The following ARHGEF26 variants were observed in gnomAD, a reference collection of about 807,000 sequenced individuals.
ARHGEF26 encodes Rho guanine nucleotide exchange factor 26.
Under a neutral mutation model 89.4 loss-of-function variants are expected in ARHGEF26, and 59 were observed. The observed-to-expected ratio is 0.66, with a 90% CI of 0.54 to 0.82. The LOEUF is 0.82. Ranked by LOEUF, ARHGEF26 falls within the 40% of genes least tolerant of loss-of-function variation. The pLI is 0.00. For missense variants in ARHGEF26, 1,234 were observed against 1,085.6 expected, an observed-to-expected ratio of 1.14 and a Z score of -1.92; for synonymous variants, 500 against 428.4, an observed-to-expected ratio of 1.17 and a Z score of -2.06.
At chr3:154,149,499 C>G in intron 5 of ARHGEF26, 54 bp downstream of exon 5, 1 of 1,488,678 alleles carries the variant, frequency 6.7e-7, no homozygotes, top group Middle Eastern at 1.7e-4. Flanking sequence ...ATGTCGGTGT[C>G]TGCTTTTTTG....
intron 9 of ARHGEF26, among the ~76,000 whole-genome samples, chr3:154,209,195 C>G (rs1210351963): frequency 6.6e-6 from 1 of 152,140 alleles, no homozygotes; most frequent in Non-Finnish European, 1.5e-5. Flanking sequence ...TGAGTTTCCT[C>G]AACACAGCTA....
At chr3:154,177,920 T>G (rs1303278357) in intron 6 of ARHGEF26, among the ~76,000 whole-genome samples, 1 of 152,132 alleles carries the variant, frequency 6.6e-6, no homozygotes, top group Admixed American at 6.5e-5. Context: ...AGGGCTTTAT[T>G]GGCCAGGTAC....
Position 154,203,603 on chromosome 3 carries a change from A to C in ARHGEF26, c.1845+8885A>C, listed in dbSNP as rs563632191. 3.3e-5 allele frequency among the ~76,000 whole-genome samples: 5 copies of C among 152,232 alleles called. No individual in the cohort carries two copies. In the South Asian group the frequency reaches 1.0e-3, roughly 32 times the overall value. On this transcript the variant is annotated intron_variant, in intron 9 of 14. Coordinates refer to ENST00000465093, the MANE Select transcript of ARHGEF26 (RefSeq NM_015595.4). Reference sequence around the variant, plus strand: ...GTTTTCAGTTTTCTCCATTCAGTTGATACTAGCTATGGGTCTGTCATATGA... The same window carrying C: ...GTTTTCAGTTTTCTCCATTCAGTTGCTACTAGCTATGGGTCTGTCATATGA...
In ARHGEF26 at chr3:154,257,084, T is replaced by G; in HGVS notation, c.*1611T>G. On this transcript the variant is annotated 3_prime_UTR_variant, in exon 15 of 15. Coordinates refer to ENST00000465093, the MANE Select transcript of ARHGEF26 (RefSeq NM_015595.4). The stretch of plus-strand genomic sequence containing the variant: ...CTGTCCGCTAACTAGTTATCCAAAT[T>G]GTAAAGCTACAGAAGCCCAGTTGAG... 1 of 1,337,110 alleles carries G rather than the reference T, an allele frequency of 7.5e-7. No homozygotes were observed. Among genetic ancestry groups the G allele is most frequent in the Admixed American group, 3.1e-5 (1 of 32,736 alleles). 82.8% of individuals were successfully genotyped at this position (1,337,110 alleles called of 1,614,324 possible). A position where few individuals can be genotyped will look rare whatever the true frequency, so the allele number is the denominator to read the frequency against.
intron 4 of ARHGEF26, among the ~76,000 whole-genome samples, chr3:154,131,201 C>T (rs1718664743): frequency 6.6e-6 from 1 of 152,112 alleles, no homozygotes; most frequent in South Asian, 2.1e-4. Flanking sequence ...CTGTGGTGAA[C>T]AGGCCTTATA....
At chr3:154,191,856 G>T (rs1286111646) in intron 8 of ARHGEF26, among the ~76,000 whole-genome samples, 1 of 152,192 alleles carries the variant, frequency 6.6e-6, no homozygotes, top group South Asian at 2.1e-4. Flanking sequence ...ACAGGAATGA[G>T]AGTCTCTTCA....
chr3:154,164,277 A>G (rs1711854956), intron 6 of ARHGEF26, among the ~76,000 whole-genome samples: 1 of 152,102 alleles, frequency 6.6e-6, no homozygotes, highest in Non-Finnish European at 1.5e-5. Flanking sequence ...CCTATATGCT[A>G]AGAAGAAGGT....
At position 154,213,830 on chromosome 3, in the gene ARHGEF26, C is replaced by A. The variant is rs530123842; in HGVS notation, c.1846-4039C>A. 9.9e-4 allele frequency among the ~76,000 whole-genome samples: 150 copies of A among 152,104 alleles called. 2 individuals are homozygous for A. The highest frequency in any genetic ancestry group is 2.4e-3 in the Admixed American group (37 of 15,270). On this transcript the variant is annotated intron_variant, in intron 9 of 14. Transcript: ENST00000465093. ...GTTTCTTTTTTTTAAAAATGACTTA[C>A]AAATAGGCTCTGAAGGTGGTTTGTT...
chr3:154,243,937 C>G (rs957447287), intron 12 of ARHGEF26, among the ~76,000 whole-genome samples: 1 of 152,074 alleles, frequency 6.6e-6, no homozygotes, highest in African/African-American at 2.4e-5. Flanking sequence ...TTTGGGCTAC[C>G]GAGTTTTGAG....
chr3:154,181,810 T>C (rs1713202550), intron 6 of ARHGEF26, among the ~76,000 whole-genome samples: 1 of 152,192 alleles, frequency 6.6e-6, no homozygotes, highest in Non-Finnish European at 1.5e-5. Context: ...GTCAATTAAA[T>C]ATATGTTGAC....
chr3:154,189,869 G>A (rs380401), intron 7 of ARHGEF26, among the ~76,000 whole-genome samples: 53,385 of 151,152 alleles, frequency 0.35, 10,282 homozygotes, highest in Non-Finnish European at 0.43. Flanking sequence ...TCTTGTCAAA[G>A]CTATCAGTAA....
At chr3:154,223,419 G>A (rs242577) in intron 10 of ARHGEF26, among the ~76,000 whole-genome samples, 139,002 of 152,276 alleles carry the variant, frequency 0.91, 63,691 homozygotes, top group East Asian at 1. Flanking sequence ...TGGCAGCATT[G>A]TTCATAATAG....
At chr3:154,235,338 TG>T (rs1470861253) in intron 11 of ARHGEF26, among the ~76,000 whole-genome samples, 3 of 152,106 alleles carry the variant, frequency 2.0e-5, no homozygotes, top group African/African-American at 7.2e-5. Flanking sequence ...AAGGGTTTTG[TG>T]GGTTTTGTCA....
chr3:154,208,940 T>C (rs1263681791), intron 9 of ARHGEF26, among the ~76,000 whole-genome samples: 1 of 151,852 alleles, frequency 6.6e-6, no homozygotes, highest in Non-Finnish European at 1.5e-5. Context: ...TAATTTTTTG[T>C]ATTTTTAGTG....
At chr3:154,129,256 G>T (rs1320531961) in intron 3 of ARHGEF26, among the ~76,000 whole-genome samples, 1 of 152,150 alleles carries the variant, frequency 6.6e-6, no homozygotes, top group Non-Finnish European at 1.5e-5. Flanking sequence ...TTAAATAAAA[G>T]ATAGGATGTA....
At chr3:154,141,207 C>T (rs931600589) in intron 4 of ARHGEF26, among the ~76,000 whole-genome samples, 3 of 148,894 alleles carry the variant, frequency 2.0e-5, no homozygotes, top group Admixed American at 6.7e-5. Context: ...CCTCGTTTTC[C>T]GCCCGCCTCG....
chr3:154,247,831 G>A (rs1717892942), intron 12 of ARHGEF26, among the ~76,000 whole-genome samples: 1 of 152,182 alleles, frequency 6.6e-6, no homozygotes, highest in Non-Finnish European at 1.5e-5. Context: ...GTCCATGACA[G>A]GCCCTAAGTC....
chr3:154,186,677 A>G (rs1263802299), intron 6 of ARHGEF26, among the ~76,000 whole-genome samples: 1 of 151,612 alleles, frequency 6.6e-6, no homozygotes, highest in Non-Finnish European at 1.5e-5. Context: ...CAGGAGAATC[A>G]CTTGATCCCG....
At chr3:154,196,894 A>AG (rs1418196638) in intron 9 of ARHGEF26, among the ~76,000 whole-genome samples, 2 of 152,260 alleles carry the variant, frequency 1.3e-5, no homozygotes, top group South Asian at 2.1e-4. Flanking sequence ...TTGAAAAAAA[A>AG]AAAGAATTTG....
Sources: allele counts gnomAD v4.1 joint callset (sites outside exome capture counted in the v4.1 genomes callset), GRCh38; gene constraint gnomAD v4.1.1; transcripts MANE v1.5; gene names NCBI Gene and HGNC (gene_info 2026-07-23, HGNC 2026-07-21).